Variants in PDE6D observed in about 807,000 individuals in gnomAD.
The protein encoded by PDE6D is phosphodiesterase 6D.
In PDE6D, 10 loss-of-function variants were observed where a neutral mutation model predicts 21.9. That is an observed-to-expected ratio of 0.46 (90% confidence interval 0.28 to 0.78). The LOEUF (loss-of-function observed/expected upper bound fraction) is 0.78, where lower values mean the gene tolerates loss of function less well. Among genes scored for constraint, PDE6D ranks in the 30% least tolerant of loss-of-function variants. The probability of loss-of-function intolerance (pLI) is 0.12; values close to 1 mark genes in which losing one functional copy is unlikely to be tolerated. For synonymous variants in PDE6D, 59 were observed against 63.5 expected (o/e 0.93, Z 0.34); for missense variants, 139 against 184.8 (o/e 0.75, Z 1.44).
At position 231,738,086 on chromosome 2, in the gene PDE6D, A is replaced by G. The variant is rs1259952514; in HGVS notation, c.192T>C (p.Asn64=). The change falls in exon 3 of 5, where the codon AAT becomes AAC. Residue 64 remains asparagine (N), a synonymous_variant. Coordinates refer to ENST00000287600, the MANE Select transcript of PDE6D (RefSeq NM_002601.4). ...TTTCCATTTGTTCTGTCGAAGAAAA[A>G]TTAAGTTCTCGAGACACTGCCTTGC... ...LKCKAVSREL[N]FSSTEQMEKF... The G allele has an allele frequency of 1.2e-6, 2 of 1,614,058 alleles. No homozygotes were observed. Among genetic ancestry groups the G allele is most frequent in the Admixed American group, 3.3e-5 (2 of 60,000 alleles).
At chr2:231,766,632 A>G (rs1330270053) in intron 1 of PDE6D, among the ~76,000 whole-genome samples, 1 of 152,172 alleles carries the variant, frequency 6.6e-6, no homozygotes, top group Non-Finnish European at 1.5e-5. Flanking sequence ...CCTGAATTTC[A>G]CCCAGTTTTT....
At chr2:231,756,475 C>T (rs1444586162) in intron 1 of PDE6D, among the ~76,000 whole-genome samples, 2 of 152,090 alleles carry the variant, frequency 1.3e-5, no homozygotes, top group African/African-American at 2.4e-5. Context: ...CTCACTCCGT[C>T]GCCTAGGCTG....
chr2:231,776,635 C>T (rs1470368979), intron 1 of PDE6D, among the ~76,000 whole-genome samples: 1 of 152,172 alleles, frequency 6.6e-6, no homozygotes, highest in Non-Finnish European at 1.5e-5. Context: ...GCTGGTTAAG[C>T]TTCTGGAAAG....
In PDE6D at chr2:231,737,811, G is replaced by A. The variant is rs2048714554; in HGVS notation, c.265+202C>T. 5 of 520,816 alleles carry A rather than the reference G, an allele frequency of 9.6e-6. No individual in the cohort carries two copies. The East Asian group carries it at 1.6e-4, about 17-fold the overall frequency. The allele number at this position is 520,816 out of a possible 1,614,324, so 32.3% of individuals were successfully genotyped here. ...CACCATCCACGCTCCCAGTGTCAGA[G>A]ACCTCAAAGCCCCTTGTAGTGGCTA... On this transcript the variant is annotated intron_variant, in intron 3 of 4. Coordinates refer to ENST00000287600, the MANE Select transcript of PDE6D (RefSeq NM_002601.4).
rs562012163 is a variant in PDE6D at position 231,758,802 on chromosome 2, T to G, written c.51-19614A>C. 1.4e-4 allele frequency among the ~76,000 whole-genome samples: 22 copies of G among 152,258 alleles called. 2 individuals are homozygous for G. The South Asian group carries it at 4.6e-3, about 32-fold the overall frequency. Reference sequence around the variant, plus strand: ...AAATACAGATTCTGGTTCAGTAGATTGGGGTGGGATCTGAGATTTTGCATT... The same window carrying G: ...AAATACAGATTCTGGTTCAGTAGATGGGGGTGGGATCTGAGATTTTGCATT... On this transcript the variant is annotated intron_variant, in intron 1 of 4. Transcript: ENST00000287600.
chr2:231,743,031 G>A (rs2048762639), intron 1 of PDE6D, among the ~76,000 whole-genome samples: 1 of 152,146 alleles, frequency 6.6e-6, no homozygotes, highest in African/African-American at 2.4e-5. Flanking sequence ...ATAGCTTGCA[G>A]TGAAGAACCC....
chr2:231,779,825 T>C lies in PDE6D; in HGVS notation c.50+1240A>G, dbSNP rs954210250. 3.3e-5 allele frequency among the ~76,000 whole-genome samples: 5 copies of C among 152,242 alleles called. 1 individual carries two copies. Among genetic ancestry groups the C allele is most frequent in the Non-Finnish European group, 7.3e-5 (5 of 68,046 alleles). On this transcript the variant is annotated intron_variant, in intron 1 of 4. Coordinates refer to ENST00000287600, the MANE Select transcript of PDE6D (RefSeq NM_002601.4). Reference sequence around the variant, plus strand: ...TACATCCAAAACTTCCTTTTTGCACTGTGGTCTAAAATGTATTACCAACTT... The same window carrying C: ...TACATCCAAAACTTCCTTTTTGCACCGTGGTCTAAAATGTATTACCAACTT...
intron 1 of PDE6D, among the ~76,000 whole-genome samples, chr2:231,777,020 G>A (rs1228226083): frequency 1.3e-5 from 2 of 152,136 alleles, no homozygotes; most frequent in Non-Finnish European, 2.9e-5. Flanking sequence ...AGGGATCCAG[G>A]AAAATACAAA....
intron 1 of PDE6D, among the ~76,000 whole-genome samples, chr2:231,766,993 C>CA (rs3038045): frequency 0.034 from 1,229 of 35,816 alleles, 48 homozygotes; most frequent in East Asian, 0.1. Context: ...GACTCCGTCT[C>CA]AAAAAAAAAA....
intron 1 of PDE6D, among the ~76,000 whole-genome samples, chr2:231,741,697 A>G (rs1221705208): frequency 6.6e-6 from 1 of 152,242 alleles, no homozygotes; most frequent in Non-Finnish European, 1.5e-5. Context: ...AGCACAGAAA[A>G]TCTAAGCAAA....
chr2:231,770,953 CA>C (rs748582712), intron 1 of PDE6D, among the ~76,000 whole-genome samples: 175 of 129,594 alleles, frequency 1.4e-3, no homozygotes, highest in Non-Finnish European at 1.7e-3. Flanking sequence ...GACTTCATTT[CA>C]AAAAAAAAAA....
intron 1 of PDE6D, among the ~76,000 whole-genome samples, chr2:231,745,105 A>T (rs2048783049): frequency 6.6e-6 from 1 of 152,174 alleles, no homozygotes; most frequent in Admixed American, 6.5e-5. Flanking sequence ...ATAATAGTCT[A>T]TTAGTAAGGA....
chr2:231,760,032 T>A (rs1453809586), intron 1 of PDE6D, among the ~76,000 whole-genome samples: 1 of 152,244 alleles, frequency 6.6e-6, no homozygotes, highest in Non-Finnish European at 1.5e-5. Flanking sequence ...CAGACTTTTA[T>A]ACCTCCAAAA....
chr2:231,734,010 AGACCATCCTGGCTAAACAGG>A (rs1212894342), intron 4 of PDE6D, among the ~76,000 whole-genome samples: 3 of 152,022 alleles, frequency 2.0e-5, no homozygotes, highest in Non-Finnish European at 4.4e-5. Context: ...CAGGAGATTG[AGACCATCCTGGCTAAACAGG>A]GTGAAACCCT....
At position 231,756,338 on chromosome 2, in the gene PDE6D, T is replaced by C. The variant is rs527843279; in HGVS notation, c.51-17150A>G. On this transcript the variant is annotated intron_variant, in intron 1 of 4. Transcript: ENST00000287600. ...AGTTTTCAAGATGTTGCTCTAAGGA[T>C]TTTCCAGCTTTCCACATCATAATGT... 2.2e-4 allele frequency among the ~76,000 whole-genome samples: 33 copies of C among 152,334 alleles called. No homozygotes were observed. In the South Asian group the frequency reaches 6.4e-3, roughly 30 times the overall value.
intron 1 of PDE6D, among the ~76,000 whole-genome samples, chr2:231,773,154 T>C (rs577459254): frequency 6.6e-6 from 1 of 152,058 alleles, no homozygotes; most frequent in East Asian, 2.0e-4. Context: ...AGGCAGAGGA[T>C]CATCTGAGCC....
At chr2:231,740,345 C>A (rs1029789038) in intron 1 of PDE6D, among the ~76,000 whole-genome samples, 1 of 151,966 alleles carries the variant, frequency 6.6e-6, no homozygotes, top group Non-Finnish European at 1.5e-5. Flanking sequence ...AACACAAAGA[C>A]AAAATTGAAG....
intron 1 of PDE6D, among the ~76,000 whole-genome samples, chr2:231,750,384 A>G (rs2048828519): frequency 1.3e-5 from 2 of 152,186 alleles, no homozygotes; most frequent in South Asian, 4.2e-4. Context: ...GACAGGTGGT[A>G]TAGAGGGGGA....
chr2:231,755,584 G>A (rs2048876849), intron 1 of PDE6D, among the ~76,000 whole-genome samples: 1 of 152,044 alleles, frequency 6.6e-6, no homozygotes, highest in South Asian at 2.1e-4. Context: ...AAGTTAGCCA[G>A]GCATGATGCC....
Sources: gnomAD v4.1 joint callset for allele counts (sites outside exome capture counted in the v4.1 genomes callset) on GRCh38, gnomAD v4.1.1 for gene constraint, MANE v1.5 for transcripts, NCBI Gene and HGNC (gene_info 2026-07-23, HGNC 2026-07-21) for gene names.